The following SV2C variants were observed in gnomAD, a reference collection of about 807,000 sequenced individuals.
The protein encoded by SV2C is solute carrier family 22 member B3.
In SV2C, 49 loss-of-function variants were observed where a neutral mutation model predicts 79.7. That is an observed-to-expected ratio of 0.61 (90% confidence interval 0.49 to 0.78). The LOEUF is 0.78. Ranked by LOEUF, SV2C falls within the 30% of genes least tolerant of loss-of-function variation. SV2C has a pLI of 0.00. For missense variants in SV2C, 833 were observed against 912.9 expected (o/e 0.91, Z 1.13); for synonymous variants, 334 against 333.2 (o/e 1.00, Z -0.03).
At chr5:75,971,389 C>G in the SV2C span, among the ~76,000 whole-genome samples, 19 of 152,204 alleles carry the variant, frequency 1.2e-4, no homozygotes, top group Admixed American at 8.5e-4. Context: ...CAAATTGTCC[C>G]TGTTTGCAGA....
chr5:76,126,774 G>T (rs1207567129), intron 1 of SV2C, among the ~76,000 whole-genome samples: 3 of 152,138 alleles, frequency 2.0e-5, no homozygotes, highest in Non-Finnish European at 4.4e-5. Context: ...TCAGATCCCT[G>T]TTTCCATCAC....
At chr5:76,320,622 C>T (rs1454635493) in intron 12 of SV2C, among the ~76,000 whole-genome samples, 1 of 152,120 alleles carries the variant, frequency 6.6e-6, no homozygotes, top group Non-Finnish European at 1.5e-5. Flanking sequence ...ACAGTTTAGC[C>T]TCATGGCATA....
intron 4 of SV2C, among the ~76,000 whole-genome samples, chr5:76,238,296 G>T (rs566277050): frequency 1.3e-5 from 2 of 150,420 alleles, no homozygotes; most frequent in Admixed American, 6.6e-5. Flanking sequence ...AAGGAGGGGT[G>T]TGTGTGTATG....
At chr5:76,040,361 A>G in the SV2C span, among the ~76,000 whole-genome samples, 1 of 152,232 alleles carries the variant, frequency 6.6e-6, no homozygotes, top group Non-Finnish European at 1.5e-5. Flanking sequence ...CTTCCAGTGA[A>G]ACAGTTTCCT....
At chr5:76,250,720 A>G (rs1241439522) in intron 4 of SV2C, among the ~76,000 whole-genome samples, 1 of 152,224 alleles carries the variant, frequency 6.6e-6, no homozygotes, top group Admixed American at 6.5e-5. Context: ...GGAACAGGCT[A>G]CACTGGCTAT....
the SV2C span, among the ~76,000 whole-genome samples, chr5:75,888,913 A>T: frequency 3.3e-5 from 5 of 152,024 alleles, no homozygotes; most frequent in Non-Finnish European, 7.4e-5. Flanking sequence ...CTTTCCTCAC[A>T]ATTCTAGAGG....
intron 4 of SV2C, among the ~76,000 whole-genome samples, chr5:76,269,820 A>G (rs893700580): frequency 6.6e-6 from 1 of 152,196 alleles, no homozygotes; most frequent in Non-Finnish European, 1.5e-5. Flanking sequence ...CAGAGAAGTG[A>G]TAGTGAATGA....
At chr5:76,012,703 T>C in the SV2C span, among the ~76,000 whole-genome samples, 15 of 152,354 alleles carry the variant, frequency 9.8e-5, no homozygotes, top group South Asian at 3.1e-3. Flanking sequence ...TGAATGGTAT[T>C]GCCTAGATTT....
the SV2C span, among the ~76,000 whole-genome samples, chr5:75,967,004 G>A: frequency 6.6e-6 from 1 of 152,030 alleles, no homozygotes; most frequent in South Asian, 2.1e-4. Flanking sequence ...CATTAATAAG[G>A]TATATACACT....
chr5:76,276,259 T>G (rs1334298629), intron 4 of SV2C, among the ~76,000 whole-genome samples: 1 of 152,172 alleles, frequency 6.6e-6, no homozygotes, highest in Non-Finnish European at 1.5e-5. Context: ...CAGAGAATGG[T>G]ATCATAGTTT....
At chr5:76,115,568 G>GCTA (rs1748238380) in intron 1 of SV2C, among the ~76,000 whole-genome samples, 1 of 152,132 alleles carries the variant, frequency 6.6e-6, no homozygotes, top group African/African-American at 2.4e-5. Context: ...TTTAATAAAT[G>GCTA]CTACCTATTT....
intron 8 of SV2C, among the ~76,000 whole-genome samples, chr5:76,294,822 G>A (rs1396288484): frequency 6.6e-6 from 1 of 152,090 alleles, no homozygotes; most frequent in Non-Finnish European, 1.5e-5. Flanking sequence ...GGCAGAAAGG[G>A]GAAATAACTT....
the SV2C span, among the ~76,000 whole-genome samples, chr5:75,941,322 A>G: frequency 6.6e-6 from 1 of 152,230 alleles, no homozygotes; most frequent in Non-Finnish European, 1.5e-5. Flanking sequence ...CAAAAGCTCG[A>G]TTTATCTACA....
chr5:76,104,007 T>G (rs1747824157), intron 1 of SV2C, among the ~76,000 whole-genome samples: 1 of 152,124 alleles, frequency 6.6e-6, no homozygotes, highest in Non-Finnish European at 1.5e-5. Context: ...GTATAAAAAG[T>G]ATATACATCA....
the SV2C span, among the ~76,000 whole-genome samples, chr5:76,024,940 T>A: frequency 6.6e-6 from 1 of 152,192 alleles, no homozygotes; most frequent in Admixed American, 6.6e-5. Context: ...AGAAGTGGCC[T>A]GCTCCAAGTT....
chr5:75,860,775 A>G, the SV2C span, among the ~76,000 whole-genome samples: 1 of 152,236 alleles, frequency 6.6e-6, no homozygotes, highest in African/African-American at 2.4e-5. Flanking sequence ...ATGCAGAAAT[A>G]AAACCACACA....
the SV2C span, among the ~76,000 whole-genome samples, chr5:75,942,603 T>C: frequency 6.6e-6 from 1 of 152,180 alleles, no homozygotes; most frequent in Non-Finnish European, 1.5e-5. Context: ...CCTTTGGCCT[T>C]TTCTACAGCT....
chr5:76,075,261 T>C, the SV2C span, among the ~76,000 whole-genome samples: 1 of 152,210 alleles, frequency 6.6e-6, no homozygotes, highest in Non-Finnish European at 1.5e-5. Context: ...TTGCTGCATT[T>C]ATATTTTCGG....
chr5:76,184,631 G>C (rs540849191), intron 2 of SV2C, among the ~76,000 whole-genome samples: 212 of 152,288 alleles, frequency 1.4e-3, no homozygotes, highest in Non-Finnish European at 2.3e-3. Context: ...CTGAGCGAAG[G>C]GGGGAAGCCC....
Sources: gnomAD v4.1 joint callset for allele counts (sites outside exome capture counted in the v4.1 genomes callset) on GRCh38, gnomAD v4.1.1 for gene constraint, MANE v1.5 for transcripts, NCBI Gene and HGNC (gene_info 2026-07-23, HGNC 2026-07-21) for gene names.